Variants in MYH14 observed in about 807,000 individuals in gnomAD.
MYH14 encodes myosin heavy chain 14.
Under a neutral mutation model 255.5 loss-of-function variants are expected in MYH14, and 123 were observed. The ratio of observed to expected loss-of-function variants is 0.48; its 90% CI spans 0.42 to 0.56. MYH14 has a LOEUF of 0.56. MYH14 is among the 20% of genes least tolerant of loss of function. The pLI is 0.00. For missense variants in MYH14, 2,423 were observed against 2,802.3 expected (o/e 0.86, Z 3.06); for synonymous variants, 1,095 against 1,161.2 (o/e 0.94, Z 1.16).
intron 3 of MYH14, among the ~76,000 whole-genome samples, chr19:50,218,060 G>C (rs761722998): frequency 1.3e-5 from 2 of 151,948 alleles, no homozygotes; most frequent in Non-Finnish European, 2.9e-5. Context: ...GCAGTGGCAT[G>C]ATCTTGGCTC....
chr19:50,208,530 T>C (rs1181832084), intron 1 of MYH14, among the ~76,000 whole-genome samples: 3 of 152,160 alleles, frequency 2.0e-5, no homozygotes, highest in African/African-American at 7.2e-5. Context: ...GAGAGAATTT[T>C]TAAAAAACAA....
At chr19:50,289,079 A>C (rs1568542875) in intron 34 of MYH14, among the ~76,000 whole-genome samples, 1 of 152,196 alleles carries the variant, frequency 6.6e-6, no homozygotes. Context: ...CAGAATTCCC[A>C]AAGATGAATT....
At chr19:50,208,510 A>G (rs1418006440) in intron 1 of MYH14, among the ~76,000 whole-genome samples, 1 of 150,922 alleles carries the variant, frequency 6.6e-6, no homozygotes, top group Non-Finnish European at 1.5e-5. Context: ...GTAAAAAAAT[A>G]AAAAAGAGAG....
intron 8 of MYH14, among the ~76,000 whole-genome samples, chr19:50,227,589 C>T (rs1207947995): frequency 6.6e-6 from 1 of 152,190 alleles, no homozygotes; most frequent in Non-Finnish European, 1.5e-5. Flanking sequence ...GATGCTGGAA[C>T]CCTCCCGAAA....
intron 10 of MYH14, among the ~76,000 whole-genome samples, chr19:50,239,557 C>CT (rs1468507148): frequency 2.0e-5 from 3 of 151,708 alleles, no homozygotes; most frequent in African/African-American, 7.3e-5. Context: ...TTTTCTTTTT[C>CT]TTCTTTTTTT....
At chr19:50,288,479 C>T (rs2035964139) in intron 34 of MYH14, among the ~76,000 whole-genome samples, 2 of 152,124 alleles carry the variant, frequency 1.3e-5, no homozygotes, top group African/African-American at 2.4e-5. Flanking sequence ...TGTAGTGACT[C>T]CAAAGGCCCT....
At chr19:50,240,312 C>T (rs1226990888) in intron 10 of MYH14, among the ~76,000 whole-genome samples, 2 of 152,208 alleles carry the variant, frequency 1.3e-5, no homozygotes, top group South Asian at 2.1e-4. Flanking sequence ...GGCACGGTGG[C>T]TTATGCCTGT....
At chr19:50,217,516 A>G in intron 2 of MYH14, 99 bp from the exon 3 acceptor site, 3 of 1,322,938 alleles carry the variant, frequency 2.3e-6, no homozygotes, top group South Asian at 1.2e-5. Flanking sequence ...ATGTGCAGAT[A>G]GATGCCCTTG....
At position 50,290,940 on chromosome 19, in the gene MYH14, C is replaced by T. The variant is rs538139429; in HGVS notation, c.5019C>T (p.Ala1673=). ...RDEERKQRTL[A]VAARKKLEGE... ...AGGAGCGGAAGCAGCGCACTCTGGC[C>T]GTGGCTGCCCGCAAGAAGCTGGAGG... The change falls in exon 36 of 43, where the codon GCC becomes GCT. Residue 1673 remains alanine (A), a synonymous_variant. Transcript: ENST00000642316. The T allele has an allele frequency of 3.1e-6, 5 of 1,592,512 alleles. No homozygotes were observed. The highest frequency in any genetic ancestry group is 2.3e-5 in the South Asian group (2 of 87,410).
Position 50,293,420 on chromosome 19 carries a change from A to C in MYH14, c.5345+99A>C. On this transcript the variant is annotated intron_variant, in intron 38 of 42. Transcript: ENST00000642316. The surrounding 1 kb of genome is among the most constrained non-coding windows in gnomAD (Gnocchi z 4.1). ...CTGGGCTCTGGGACAGGAAACTGGG[A>C]GGTGGGCGGGGTTAACCTCGGGGCC... The C allele has an allele frequency of 6.6e-7, 1 of 1,512,228 alleles. No individual in the cohort carries two copies. The highest frequency in any genetic ancestry group is 9.0e-7 in the Non-Finnish European group (1 of 1,109,722). 93.7% of individuals were successfully genotyped at this position (1,512,228 alleles called of 1,614,324 possible).
intron 20 of MYH14, among the ~76,000 whole-genome samples, chr19:50,261,129 C>T (rs1185315703): frequency 1.2e-5 from 1 of 80,156 alleles, no homozygotes; most frequent in Non-Finnish European, 2.6e-5. Flanking sequence ...ACCCCCTCCC[C>T]CATCACCCCC....
Position 50,230,512 on chromosome 19 carries a change from T to C in MYH14, c.875-13T>C. ...GTCCCTTCCCCTCTAGCACCTTGAC[T>C]CGCTGTGTCCAGACCTGCTGGAGAA... is the stretch of plus-strand genomic sequence containing the variant. On this transcript the variant is annotated splice_polypyrimidine_tract_variant and intron_variant, in intron 8 of 42. Transcript: ENST00000642316. The surrounding 1 kb of genome is among the most constrained non-coding windows in gnomAD (Gnocchi z 4.7). The C allele has an allele frequency of 6.4e-7, 1 of 1,554,498 alleles. No homozygotes were observed. Among genetic ancestry groups the C allele is most frequent in the Admixed American group, 2.0e-5 (1 of 51,228 alleles).
intron 34 of MYH14, among the ~76,000 whole-genome samples, chr19:50,288,674 C>G (rs2035969654): frequency 6.6e-6 from 1 of 152,184 alleles, no homozygotes; most frequent in Admixed American, 6.5e-5. Flanking sequence ...ATAGGCCTTG[C>G]TCTGTGGAAC....
chr19:50,309,674 C>G lies in MYH14; in HGVS notation c.5995C>G (p.Arg1999Gly). ...GPLTFTTRTV[R>G]QVFRLEEGVA... ...CCTCACCTTCACCACCCGCACGGTGCGCCAGGTCTTCCGACTAGAGGAGGG... is the reference window on the plus strand; with the variant it reads ...CCTCACCTTCACCACCCGCACGGTGGGCCAGGTCTTCCGACTAGAGGAGGG... The change falls in exon 43 of 43, where the codon CGC becomes GGC. Residue 1999 changes from arginine to glycine, a missense_variant. By Grantham distance (125) the Arg-to-Gly change is moderately radical. Transcript: ENST00000642316. 3.1e-6 allele frequency: 5 copies of G among 1,610,600 alleles called. No individual in the cohort carries two copies. Among genetic ancestry groups the G allele is most frequent in the Non-Finnish European group, 4.2e-6 (5 of 1,178,702 alleles).
At chr19:50,220,835 G>A (rs540457333) in intron 3 of MYH14, among the ~76,000 whole-genome samples, 1 of 152,170 alleles carries the variant, frequency 6.6e-6, no homozygotes, top group Non-Finnish European at 1.5e-5. Flanking sequence ...TTACAGGCAT[G>A]AGCCACCATG....
chr19:50,296,108 CAA>C (rs79336591), intron 39 of MYH14, among the ~76,000 whole-genome samples: 11 of 119,592 alleles, frequency 9.2e-5, no homozygotes, highest in African/African-American at 9.1e-5. Flanking sequence ...GACTTTGTCT[CAA>C]AAAAAAAAAA....
In MYH14 at chr19:50,252,406, A is replaced by AGTG. The variant is rs1179794024; in HGVS notation, c.1831-222_1831-220dup. On this transcript the variant is annotated intron_variant, in intron 15 of 42. Coordinates refer to ENST00000642316, the MANE Select transcript of MYH14 (RefSeq NM_001145809.2). This position sits in a 1 kb window ranked among gnomAD's most constrained non-coding sequence, Gnocchi z 4.2. The stretch of plus-strand genomic sequence containing the variant: ...GCTGGAGCGGAATGAATAGGAAGAA[A>AGTG]GTGGTGGTGGTGGAGGTCACAGAGG... Among the ~76,000 whole-genome samples the AGTG allele has an allele frequency of 1.3e-5, 2 of 151,870 alleles. No homozygotes were observed. The highest frequency in any genetic ancestry group is 3.9e-4 in the East Asian group (2 of 5,164).
chr19:50,268,288 T>A lies in MYH14; in HGVS notation c.2954T>A (p.Leu985Gln), dbSNP rs1041735838. 6.3e-7 allele frequency: 1 copy of A among 1,587,518 alleles called. No homozygotes were observed. Among genetic ancestry groups the A allele is most frequent in the Non-Finnish European group, 8.6e-7 (1 of 1,168,102 alleles). ...GAGCTGGAGCTGGTGGTGTCAGAGCTGGAGGCTCGCGTGGGCGAGGAGGAG... is the reference window on the plus strand; with the variant it reads ...GAGCTGGAGCTGGTGGTGTCAGAGCAGGAGGCTCGCGTGGGCGAGGAGGAG... ...KQELELVVSELEARVGEEEEC... is the reference protein window; with the variant it reads ...KQELELVVSEQEARVGEEEEC... Residue 985 changes from leucine to glutamine, a missense_variant, in exon 24 of 43, where the codon CTG becomes CAG. By Grantham distance (113) the Leu-to-Gln change is moderately radical. Transcript: ENST00000642316.
chr19:50,213,632 C>T (rs2032316995), intron 2 of MYH14, among the ~76,000 whole-genome samples: 1 of 152,162 alleles, frequency 6.6e-6, no homozygotes, highest in African/African-American at 2.4e-5. Context: ...TACCTGCTTT[C>T]TCTGCTGGGT....
Sources: allele counts gnomAD v4.1 joint callset (sites outside exome capture counted in the v4.1 genomes callset), GRCh38; gene constraint gnomAD v4.1.1; non-coding constraint Gnocchi (gnomAD v3.1); transcripts MANE v1.5; gene names NCBI Gene and HGNC (gene_info 2026-07-23, HGNC 2026-07-21).